Variants in BANK1 observed in about 807,000 individuals in gnomAD.
The protein encoded by BANK1 is B cell scaffold protein with ankyrin repeats 1, also known as B-cell scaffold protein with ankyrin repeats.
A neutral mutation model predicts 94.5 loss-of-function variants in BANK1; 95 were observed. That is an observed-to-expected ratio of 1.00 (90% CI 0.85 to 1.19). The LOEUF is 1.19. BANK1 is among the 50% of genes most tolerant of loss of function. The pLI is 0.00. For synonymous variants in BANK1, 334 were observed against 308.4 expected, an observed-to-expected ratio of 1.08 and a Z score of -0.87; for missense variants, 987 against 932.2, an observed-to-expected ratio of 1.06 and a Z score of -0.77.
chr4:101,976,262 A>C (rs550749599), intron 7 of BANK1, among the ~76,000 whole-genome samples: 1 of 152,260 alleles, frequency 6.6e-6, no homozygotes, highest in African/African-American at 2.4e-5. Context: ...AATCGATAGT[A>C]ATAACACAAG....
intron 7 of BANK1, among the ~76,000 whole-genome samples, chr4:101,959,368 G>A (rs1198303895): frequency 7.9e-5 from 12 of 152,124 alleles, no homozygotes; most frequent in Admixed American, 7.2e-4. Context: ...TCAAACTCCT[G>A]ATCTTGTGAT....
chr4:101,986,893 G>GTATA (rs1262079308), intron 7 of BANK1, among the ~76,000 whole-genome samples: 9 of 90,820 alleles, frequency 9.9e-5, no homozygotes, highest in African/African-American at 4.0e-4. Flanking sequence ...GTGTGTGTGT[G>GTATA]TGTGTGTATA....
rs764623832 is a variant in BANK1, at chr4:101,815,446, G to A, written c.71-14362G>A. On this transcript the variant is annotated intron_variant, in intron 1 of 16. Coordinates refer to ENST00000322953, the MANE Select transcript of BANK1 (RefSeq NM_017935.5). The stretch of plus-strand genomic sequence containing the variant: ...GATTTTTAAACATATGTCATTTTGA[G>A]GTCTGAGTACTATAATCTACATTTA... 4.6e-5 allele frequency among the ~76,000 whole-genome samples: 7 copies of A among 151,910 alleles called. No individual in the cohort carries two copies. The South Asian group carries it at 6.2e-4, about 14-fold the overall frequency.
intron 4 of BANK1, among the ~76,000 whole-genome samples, chr4:101,865,809 A>G (rs1728049090): frequency 6.6e-6 from 1 of 152,114 alleles, no homozygotes; most frequent in Non-Finnish European, 1.5e-5. Flanking sequence ...CAACCAACCA[A>G]AAAAACCCAG....
intron 7 of BANK1, among the ~76,000 whole-genome samples, chr4:102,006,395 G>A (rs1578450293): frequency 6.6e-6 from 1 of 151,940 alleles, no homozygotes; most frequent in Non-Finnish European, 1.5e-5. Context: ...TGGGGCTTGG[G>A]AATAGGTAGT....
chr4:102,009,850 A>G (rs1366040041), intron 7 of BANK1, among the ~76,000 whole-genome samples: 1 of 152,082 alleles, frequency 6.6e-6, no homozygotes, highest in Non-Finnish European at 1.5e-5. Flanking sequence ...ATACATATGG[A>G]TGTGCATGTC....
At chr4:101,838,799 C>T (rs1726925652) in intron 2 of BANK1, among the ~76,000 whole-genome samples, 1 of 152,174 alleles carries the variant, frequency 6.6e-6, no homozygotes, top group Non-Finnish European at 1.5e-5. Flanking sequence ...GGTGACCAGC[C>T]ACTTGGTAAC....
chr4:101,825,837 A>G (rs540900571), intron 1 of BANK1, among the ~76,000 whole-genome samples: 41 of 152,202 alleles, frequency 2.7e-4, no homozygotes, highest in African/African-American at 9.9e-4. Flanking sequence ...TAAGTCAAAT[A>G]AAAAGGCTCA....
chr4:101,841,394 G>T (rs1353086324), intron 2 of BANK1, among the ~76,000 whole-genome samples: 1 of 152,022 alleles, frequency 6.6e-6, no homozygotes, highest in Non-Finnish European at 1.5e-5. Context: ...TAAATTATAA[G>T]TATAGGACTA....
intron 7 of BANK1, among the ~76,000 whole-genome samples, chr4:101,985,003 G>A (rs1024525322): frequency 6.6e-6 from 1 of 152,072 alleles, no homozygotes; most frequent in African/African-American, 2.4e-5. Context: ...AGAACCAATA[G>A]GAGATTTCAA....
chr4:101,970,193 A>C (rs1055806512), intron 7 of BANK1, among the ~76,000 whole-genome samples: 1 of 152,102 alleles, frequency 6.6e-6, no homozygotes, highest in Non-Finnish European at 1.5e-5. Context: ...GTTATCCCAG[A>C]GGACTGTTGT....
chr4:101,957,239 T>C (rs1231093093), intron 7 of BANK1, among the ~76,000 whole-genome samples: 1 of 152,184 alleles, frequency 6.6e-6, no homozygotes, highest in African/African-American at 2.4e-5. Context: ...GTCTCAGCTG[T>C]TCATCCTTTC....
chr4:102,060,080 G>A, intron 11 of BANK1, 131 bp from the exon 12 acceptor site: 3 of 778,282 alleles, frequency 3.9e-6, no homozygotes, highest in South Asian at 2.7e-5. Flanking sequence ...TTAAAAGTGT[G>A]CTGGTTTATT....
intron 7 of BANK1, among the ~76,000 whole-genome samples, chr4:101,979,492 A>C (rs1030860490): frequency 1.3e-5 from 2 of 151,888 alleles, no homozygotes; most frequent in African/African-American, 4.8e-5. Flanking sequence ...TCAATATTCA[A>C]CATTTTTTTG....
intron 7 of BANK1, among the ~76,000 whole-genome samples, chr4:101,974,707 A>G (rs1725066816): frequency 6.6e-6 from 1 of 151,872 alleles, no homozygotes; most frequent in African/African-American, 2.4e-5. Flanking sequence ...TATGAGTTTC[A>G]TCTTGAGAAC....
In BANK1 at chr4:102,034,145, C is replaced by A. The variant is rs543762897; in HGVS notation, c.1900+3880C>A. ...TTCTGGCCCCATTGCTTGCCAGAGC[C>A]CAAAAATGGTATCAGTATATTGGTG... On this transcript the variant is annotated intron_variant, in intron 10 of 16. Transcript: ENST00000322953. Among the ~76,000 whole-genome samples the A allele has an allele frequency of 6.6e-5, 10 of 152,038 alleles. No individual in the cohort carries two copies. In the South Asian group the frequency reaches 2.1e-3, roughly 32 times the overall value.
intron 4 of BANK1, among the ~76,000 whole-genome samples, chr4:101,868,766 G>A (rs1219458728): frequency 1.1e-4 from 16 of 151,906 alleles, no homozygotes; most frequent in Admixed American, 9.2e-4. Context: ...TACTGCTCAT[G>A]TGAAGGTCAG....
Position 101,862,652 on chromosome 4 carries a change from A to G in BANK1, c.751A>G (p.Met251Val), listed in dbSNP as rs771145465. 4.1e-5 allele frequency: 65 copies of G among 1,603,236 alleles called. No individual in the cohort carries two copies. Among genetic ancestry groups the G allele is most frequent in the Non-Finnish European group, 5.3e-5 (62 of 1,176,006 alleles). The change falls in exon 4 of 17, where the codon ATG becomes GTG. Residue 251 changes from methionine (M) to valine (V), a missense_variant. By Grantham distance (21) the Met-to-Val change is conservative. Coordinates refer to ENST00000322953, the MANE Select transcript of BANK1 (RefSeq NM_017935.5). The part of the protein sequence containing the change: ...PALWNKKVWC[M>V]KALEFPAGSV... ...CCTTTGGAATAAGAAAGTCTGGTGC[A>G]TGAAAGCTTTAGGTAAGAATGTTTA... is the stretch of plus-strand genomic sequence containing the variant.
intron 7 of BANK1, among the ~76,000 whole-genome samples, chr4:101,921,442 G>T (rs1333163398): frequency 1.3e-5 from 2 of 151,892 alleles, no homozygotes; most frequent in South Asian, 4.1e-4. Flanking sequence ...AATAAAACGT[G>T]CATGAAAAGT....
Sources: allele counts gnomAD v4.1 joint callset (sites outside exome capture counted in the v4.1 genomes callset), GRCh38; gene constraint gnomAD v4.1.1; transcripts MANE v1.5; gene names NCBI Gene and HGNC (gene_info 2026-07-23, HGNC 2026-07-21).